The following MEX3C variants were observed in gnomAD, a reference collection of about 807,000 sequenced individuals.
MEX3C encodes the protein mex-3 RNA binding family member C.
Under a neutral mutation model 35.5 loss-of-function variants are expected in MEX3C, and 15 were observed. That is an observed-to-expected ratio of 0.42 (90% CI 0.28 to 0.65). The LOEUF (loss-of-function observed/expected upper bound fraction) is 0.65. MEX3C is among the 30% of genes least tolerant of loss of function. MEX3C has a pLI of 0.20. For synonymous variants in MEX3C, 390 were observed against 352.8 expected, an observed-to-expected ratio of 1.11 and a Z score of -1.18; for missense variants, 711 against 842.8, an observed-to-expected ratio of 0.84 and a Z score of 1.94.
At chr18:51,195,206 T>C (rs1022334352) in intron 1 of MEX3C, 2 of 152,182 alleles carry the variant, frequency 1.3e-5, no homozygotes, top group African/African-American at 4.8e-5. Flanking sequence ...ACAAAAGTTT[T>C]CTCCTGGATT....
Position 51,178,789 on chromosome 18 carries a change from G to C in MEX3C, c.755-1213C>G, listed in dbSNP as rs115911296. The stretch of plus-strand genomic sequence containing the variant: ...GCAGAAGAATTGCTCGAACCCGGGG[G>C]ACAGAGGTTGCAGTGAGCCGAGATT... On this transcript the variant is annotated intron_variant, in intron 1 of 1. Transcript: ENST00000406189. Among the ~76,000 whole-genome samples the C allele has an allele frequency of 5.3e-3, 801 of 150,890 alleles. 10 individuals are homozygous for C. Among genetic ancestry groups the C allele is most frequent in the African/African-American group, 0.019 (760 of 41,034 alleles).
At chr18:51,185,670 G>C (rs899467062) in intron 1 of MEX3C, among the ~76,000 whole-genome samples, 1 of 152,066 alleles carries the variant, frequency 6.6e-6, no homozygotes, top group Non-Finnish European at 1.5e-5. Flanking sequence ...TTCAGGAATA[G>C]TAACCCAAAG....
chr18:51,182,420 A>T (rs1320921241), intron 1 of MEX3C, among the ~76,000 whole-genome samples: 1 of 152,196 alleles, frequency 6.6e-6, no homozygotes, highest in African/African-American at 2.4e-5. Flanking sequence ...CACATATGGC[A>T]AGTTGTATTC....
At chr18:51,184,626 G>A (rs1042392716) in intron 1 of MEX3C, among the ~76,000 whole-genome samples, 1 of 152,146 alleles carries the variant, frequency 6.6e-6, no homozygotes, top group Non-Finnish European at 1.5e-5. Context: ...GGGAGCTGAG[G>A]TGGGAGGATC....
intron 1 of MEX3C, among the ~76,000 whole-genome samples, chr18:51,185,698 A>AC (rs1912521654): frequency 6.6e-6 from 1 of 152,116 alleles, no homozygotes; most frequent in Non-Finnish European, 1.5e-5. Context: ...CAGCGAATAG[A>AC]CATAAGGTAG....
At position 51,175,419 on chromosome 18, in the gene MEX3C, T is replaced by A. The variant is rs1361486151; in HGVS notation, c.*932A>T. ...TTTGTGAATTATGCCAAGGGCATCA[T>A]TATCCCTTTCTCCCTCCTCCCTCCC... On this transcript the variant is annotated 3_prime_UTR_variant, in exon 2 of 2. Transcript: ENST00000406189. The A allele has an allele frequency of 9.8e-5, 15 of 152,658 alleles. No homozygotes were observed. 9.5% of individuals were successfully genotyped at this position (152,658 alleles called of 1,614,324 possible).
At chr18:51,184,046 A>G (rs1380123140) in intron 1 of MEX3C, among the ~76,000 whole-genome samples, 1 of 152,096 alleles carries the variant, frequency 6.6e-6, no homozygotes, top group Non-Finnish European at 1.5e-5. Context: ...AAGAGAAGTC[A>G]GAGAGATGTG....
chr18:51,197,025 C>T lies in MEX3C; in HGVS notation c.296G>A (p.Gly99Glu), dbSNP rs1400298085. The T allele has an allele frequency of 6.6e-7, 1 of 1,518,232 alleles. No homozygotes were observed. The highest frequency in any genetic ancestry group is 2.0e-5 in the Admixed American group (1 of 49,268). 94.0% of individuals were successfully genotyped at this position (1,518,232 alleles called of 1,614,324 possible). A position where few individuals can be genotyped will look rare whatever the true frequency, so the allele number is the denominator to read the frequency against. Reference sequence around the variant, plus strand: ...CTCCAGCTCGGCCGCCTCCGGGGCCCCGGGCCGGCCGGGCGGAGCCCGCTC... The same window carrying T: ...CTCCAGCTCGGCCGCCTCCGGGGCCTCGGGCCGGCCGGGCGGAGCCCGCTC... ...PEERAPPGRP[G>E]APEAAELELE... Residue 99 changes from glycine to glutamate, a missense_variant, in exon 1 of 2, where the codon GGG becomes GAG. Physicochemically the swap from Gly to Glu is moderately conservative, Grantham distance 98 (BLOSUM62 -2). Transcript: ENST00000406189.
At chr18:51,185,878 A>G (rs899519815) in intron 1 of MEX3C, among the ~76,000 whole-genome samples, 2 of 130,040 alleles carry the variant, frequency 1.5e-5, no homozygotes, top group African/African-American at 5.1e-5. Context: ...TGGGCAACAT[A>G]GTGAGACCCC....
Position 51,174,590 on chromosome 18 carries a change from A to G in MEX3C, c.*1761T>C. 6.5e-6 allele frequency: 1 copy of G among 152,678 alleles called. No individual in the cohort carries two copies. Among genetic ancestry groups the G allele is most frequent in the East Asian group, 1.9e-4 (1 of 5,204 alleles). The allele number at this position is 152,678 out of a possible 1,614,324, so 9.5% of individuals were successfully genotyped here. A position where few individuals can be genotyped will look rare whatever the true frequency, so the allele number is the denominator to read the frequency against. On this transcript the variant is annotated 3_prime_UTR_variant, in exon 2 of 2. Coordinates refer to ENST00000406189, the MANE Select transcript of MEX3C (RefSeq NM_016626.5). ...ACAAGTCTTTATTAAGTAACTTTTA[A>G]TATCAGAAAAATAAAACTCTTATAA...
chr18:51,191,432 C>A (rs927818336), intron 1 of MEX3C, among the ~76,000 whole-genome samples: 2 of 152,094 alleles, frequency 1.3e-5, no homozygotes, highest in Non-Finnish European at 2.9e-5. Context: ...ATGAGCAGAG[C>A]CCCTATGAAC....
intron 1 of MEX3C, among the ~76,000 whole-genome samples, chr18:51,186,304 A>G (rs1912536024): frequency 6.6e-6 from 1 of 152,258 alleles, no homozygotes; most frequent in Admixed American, 6.5e-5. Flanking sequence ...GTAGGTACAT[A>G]CAAAAGGAGA....
In MEX3C at chr18:51,197,216, G is replaced by T. The variant is rs553635844; in HGVS notation, c.105C>A (p.Pro35=). The change falls in exon 1 of 2, where the codon CCC becomes CCA. Residue 35 remains proline, a synonymous_variant. Coordinates refer to ENST00000406189, the MANE Select transcript of MEX3C (RefSeq NM_016626.5). ...PPPPPPPLPP[P]SGGPELEGDG... is the part of the protein sequence containing the mutation. ...CCCCCTCGAGCTCCGGGCCGCCCGA[G>T]GGCGGCGGCAGAGGCGGCGGTGGCG... 239 of 1,005,664 alleles carry T rather than the reference G, an allele frequency of 2.4e-4. 3 individuals are homozygous for T. The Admixed American group carries it at 0.012, about 52-fold the overall frequency. 62.3% of individuals were successfully genotyped at this position (1,005,664 alleles called of 1,614,324 possible). A position where few individuals can be genotyped will look rare whatever the true frequency, so the allele number is the denominator to read the frequency against.
rs1037709050 is a variant in MEX3C, at chr18:51,176,208, A to C, written c.*143T>G. On this transcript the variant is annotated 3_prime_UTR_variant, in exon 2 of 2. Coordinates refer to ENST00000406189, the MANE Select transcript of MEX3C (RefSeq NM_016626.5). ...AGTGTTACCATAGCAGCCTTTTATA[A>C]GTTTACTAACAACTTTAGCCTAATC... 16 of 821,496 alleles carry C rather than the reference A, an allele frequency of 1.9e-5. No homozygotes were observed. The highest frequency in any genetic ancestry group is 1.9e-4 in the African/African-American group (11 of 57,784). The allele number at this position is 821,496 out of a possible 1,614,324, so 50.9% of individuals were successfully genotyped here. A position where few individuals can be genotyped will look rare whatever the true frequency, so the allele number is the denominator to read the frequency against.
At chr18:51,186,074 G>T (rs1042577265) in intron 1 of MEX3C, among the ~76,000 whole-genome samples, 12 of 152,106 alleles carry the variant, frequency 7.9e-5, no homozygotes, top group African/African-American at 2.9e-4. Flanking sequence ...CAAAATCACT[G>T]CTTGGGTGAA....
rs1912583021 is a variant in MEX3C at position 51,188,413 on chromosome 18, G to C, written c.754+8154C>G. ...GCTCAGCTTCAGCTCAGAAGTTCAA[G>C]ACCAGCCTGGGCAACATAGTAAAAC... is the stretch of plus-strand genomic sequence containing the variant. On this transcript the variant is annotated intron_variant, in intron 1 of 1. Transcript: ENST00000406189. Among the ~76,000 whole-genome samples the C allele has an allele frequency of 2.0e-5, 3 of 152,026 alleles. No homozygotes were observed. The South Asian group carries it at 6.2e-4, about 32-fold the overall frequency.
In MEX3C at chr18:51,196,984, C is replaced by T; in HGVS notation, c.337G>A (p.Glu113Lys). 6 of 1,537,462 alleles carry T rather than the reference C, an allele frequency of 3.9e-6. No individual in the cohort carries two copies. The highest frequency in any genetic ancestry group is 5.2e-6 in the Non-Finnish European group (6 of 1,143,978). Residue 113 changes from glutamate to lysine, a missense_variant, in exon 1 of 2, where the codon GAG becomes AAG. Glu to Lys is a moderately conservative substitution (Grantham distance 56). This residue lies in a region of MEX3C where 354 missense variants were observed against 311.6 expected (regional missense o/e 1.14). Transcript: ENST00000406189. ...AAELELEEDE[E>K]EGEEAELDGD... ...TCCAGCTCCGCTTCCTCCCCCTCCT[C>T]CTCGTCCTCTTCCAGCTCCAGCTCG...
chr18:51,181,913 G>A (rs1243998608), intron 1 of MEX3C, among the ~76,000 whole-genome samples: 1 of 152,156 alleles, frequency 6.6e-6, no homozygotes, highest in East Asian at 1.9e-4. Flanking sequence ...CACTTTACTA[G>A]TCTTAGCATA....
At chr18:51,178,881 A>G (rs1264157141) in intron 1 of MEX3C, among the ~76,000 whole-genome samples, 1 of 151,346 alleles carries the variant, frequency 6.6e-6, no homozygotes, top group Non-Finnish European at 1.5e-5. Context: ...AAACCAAACA[A>G]ACAAACAAAA....
Sources: gnomAD v4.1 joint callset for allele counts (sites outside exome capture counted in the v4.1 genomes callset) on GRCh38, gnomAD v4.1.1 for gene constraint, gnomAD v4.1.1 regional missense constraint, MANE v1.5 for transcripts, NCBI Gene and HGNC (gene_info 2026-07-23, HGNC 2026-07-21) for gene names.